The following ZRANB3 variants were observed in gnomAD, a reference collection of about 807,000 sequenced individuals.
The protein encoded by ZRANB3 is DNA annealing helicase and endonuclease ZRANB3.
Under a neutral mutation model 133.8 loss-of-function variants are expected in ZRANB3, and 125 were observed. That is an observed-to-expected ratio of 0.93 (90% CI 0.81 to 1.08). The LOEUF is 1.08. ZRANB3 is among the 50% of genes least tolerant of loss of function. The pLI, the probability that ZRANB3 is intolerant of heterozygous loss-of-function variation, is 0.00. For missense variants in ZRANB3, 1,229 were observed against 1,275.5 expected (o/e 0.96, Z 0.56); for synonymous variants, 387 against 432.7 (o/e 0.89, Z 1.31).
intron 2 of ZRANB3, among the ~76,000 whole-genome samples, chr2:135,467,866 T>C (rs1691067512): frequency 2.0e-5 from 3 of 152,224 alleles, no homozygotes. Flanking sequence ...AGCTGCCTTG[T>C]CCATTTATAC....
intron 2 of ZRANB3, among the ~76,000 whole-genome samples, chr2:135,476,514 G>T (rs1000175682): frequency 6.6e-6 from 1 of 151,860 alleles, no homozygotes; most frequent in Non-Finnish European, 1.5e-5. Flanking sequence ...ACTCTTCTCT[G>T]TACTTCTATA....
chr2:135,305,116 T>A (rs1158787480), intron 8 of ZRANB3, among the ~76,000 whole-genome samples: 1 of 152,166 alleles, frequency 6.6e-6, no homozygotes, highest in Non-Finnish European at 1.5e-5. Context: ...TAGCTGTGAT[T>A]ACAGGTGTGT....
rs551078415 is a variant in ZRANB3 at position 135,322,644 on chromosome 2, G to A, written c.678-7114C>T. Among the ~76,000 whole-genome samples the A allele has an allele frequency of 1.7e-3, 254 of 152,190 alleles. 2 individuals carry two copies. The highest frequency in any genetic ancestry group is 5.9e-3 in the African/African-American group (247 of 41,526). ...GAGAGAGGAGGATTGCTTGAGCCCAGGAGGTTGAGGCTACAGTAAGCTATG... is the reference window on the plus strand; with the variant it reads ...GAGAGAGGAGGATTGCTTGAGCCCAAGAGGTTGAGGCTACAGTAAGCTATG... On this transcript the variant is annotated intron_variant, in intron 6 of 20. Transcript: ENST00000264159.
chr2:135,453,493 T>G (rs1403537198), intron 2 of ZRANB3, among the ~76,000 whole-genome samples: 2 of 152,234 alleles, frequency 1.3e-5, no homozygotes, highest in Non-Finnish European at 2.9e-5. Flanking sequence ...CGGAATGCCT[T>G]TAACAGTACC....
rs756114664 is a variant in ZRANB3, at chr2:135,207,627, T to A, written c.2816A>T (p.Lys939Ile). Residue 939 changes from lysine (K) to isoleucine (I), a missense_variant, in exon 19 of 21, where the codon AAA becomes ATA. By Grantham distance (102) the Lys-to-Ile change is moderately radical. Transcript: ENST00000264159. ...TCGAATCCAAAACTCTTCCTGACATTTCAGAGAGCAAAACCGTGAATCCCA... is the reference window on the plus strand; with the variant it reads ...TCGAATCCAAAACTCTTCCTGACATATCAGAGAGCAAAACCGTGAATCCCA... Reference protein sequence around the residue: ...NSWDSRFCSLKCQEEFWIRSN... With the variant: ...NSWDSRFCSLICQEEFWIRSN... 6.2e-7 allele frequency: 1 copy of A among 1,613,984 alleles called. No homozygotes were observed. Among genetic ancestry groups the A allele is most frequent in the Non-Finnish European group, 8.5e-7 (1 of 1,179,872 alleles).
rs578091618 is a variant in ZRANB3, at chr2:135,479,396, A to T, written c.161+24933T>A. On this transcript the variant is annotated intron_variant, in intron 2 of 20. Transcript: ENST00000264159. ...ATGCCTGTAATCCCAGCACTCTGGGAGGCTGAGGCAGGCAGATTACCTGAT... is the reference window on the plus strand; with the variant it reads ...ATGCCTGTAATCCCAGCACTCTGGGTGGCTGAGGCAGGCAGATTACCTGAT... Among the ~76,000 whole-genome samples the T allele has an allele frequency of 2.2e-4, 34 of 152,332 alleles. No individual in the cohort carries two copies. The East Asian group carries it at 6.0e-3, about 27-fold the overall frequency.
chr2:135,459,567 A>AT (rs986051557), intron 2 of ZRANB3, among the ~76,000 whole-genome samples: 1 of 152,188 alleles, frequency 6.6e-6, no homozygotes, highest in Admixed American at 6.5e-5. Flanking sequence ...ACTGTCTTTG[A>AT]TTTTTTTAAA....
intron 1 of ZRANB3, chr2:135,530,373 G>A (rs1694468512): frequency 6.6e-6 from 1 of 152,196 alleles, no homozygotes; most frequent in Non-Finnish European, 1.5e-5. Context: ...GCGATTGAAG[G>A]CCGGGGTGGA....
chr2:135,317,506 C>A (rs151318706), intron 6 of ZRANB3, among the ~76,000 whole-genome samples: 3 of 152,212 alleles, frequency 2.0e-5, no homozygotes, highest in African/African-American at 7.2e-5. Flanking sequence ...AGTATGCTAG[C>A]TGGAGGCCTT....
chr2:135,223,316 T>C (rs1289189339), intron 15 of ZRANB3, among the ~76,000 whole-genome samples: 1 of 151,692 alleles, frequency 6.6e-6, no homozygotes, highest in African/African-American at 2.4e-5. Context: ...TTTAAGTGAA[T>C]AAATGAAAAA....
chr2:135,335,304 CACAG>C (rs1684320639), intron 6 of ZRANB3, among the ~76,000 whole-genome samples: 1 of 151,682 alleles, frequency 6.6e-6, no homozygotes, highest in African/African-American at 2.4e-5. Flanking sequence ...TTCTGGGTGA[CACAG>C]AATAGTGTCT....
chr2:135,356,349 T>G (rs913595535), intron 3 of ZRANB3, among the ~76,000 whole-genome samples: 1 of 152,122 alleles, frequency 6.6e-6, no homozygotes, highest in Admixed American at 6.6e-5. Flanking sequence ...AATGTAGCCA[T>G]TCTACAATGT....
intron 2 of ZRANB3, among the ~76,000 whole-genome samples, chr2:135,439,500 A>G (rs1330031637): frequency 6.6e-6 from 1 of 152,148 alleles, no homozygotes; most frequent in Non-Finnish European, 1.5e-5. Context: ...TTGGCTTTCC[A>G]CTAAAAAAAA....
At chr2:135,426,398 A>G (rs539749279) in intron 2 of ZRANB3, among the ~76,000 whole-genome samples, 1 of 152,160 alleles carries the variant, frequency 6.6e-6, no homozygotes, top group South Asian at 2.1e-4. Flanking sequence ...CAACAACAAA[A>G]TATCAGGCCA....
chr2:135,490,324 C>A (rs1692317052), intron 2 of ZRANB3, among the ~76,000 whole-genome samples: 1 of 151,988 alleles, frequency 6.6e-6, no homozygotes, highest in Non-Finnish European at 1.5e-5. Flanking sequence ...GAGAAATATT[C>A]CAATTAAAAA....
chr2:135,412,139 G>T (rs920409320), intron 2 of ZRANB3, among the ~76,000 whole-genome samples: 1 of 152,078 alleles, frequency 6.6e-6, no homozygotes, highest in Non-Finnish European at 1.5e-5. Context: ...ATATATACTT[G>T]CTGTAACCTC....
At chr2:135,444,582 C>G (rs1419151145) in intron 2 of ZRANB3, among the ~76,000 whole-genome samples, 1 of 152,020 alleles carries the variant, frequency 6.6e-6, no homozygotes, top group Admixed American at 6.6e-5. Context: ...ATTACTTCAA[C>G]TACGTGAAAT....
chr2:135,479,015 T>C (rs185096397), intron 2 of ZRANB3, among the ~76,000 whole-genome samples: 115 of 149,824 alleles, frequency 7.7e-4, no homozygotes, highest in African/African-American at 2.8e-3. Context: ...ACGTAGACAC[T>C]GCCAAACAGT....
At chr2:135,224,812 C>G (rs1012222846) in intron 14 of ZRANB3, among the ~76,000 whole-genome samples, 1 of 152,112 alleles carries the variant, frequency 6.6e-6, no homozygotes, top group South Asian at 2.1e-4. Context: ...AGAATTTCCA[C>G]CAATAAGAGC....
Sources: gnomAD v4.1 joint callset for allele counts (sites outside exome capture counted in the v4.1 genomes callset) on GRCh38, gnomAD v4.1.1 for gene constraint, MANE v1.5 for transcripts, NCBI Gene and HGNC (gene_info 2026-07-23, HGNC 2026-07-21) for gene names.